The following SWI5 variants were observed in gnomAD, a reference collection of about 807,000 sequenced individuals.
SWI5 encodes the protein DNA repair protein SWI5 homolog.
Under a neutral mutation model 17.0 loss-of-function variants are expected in SWI5, and 12 were observed. The ratio of observed to expected loss-of-function variants is 0.71; its 90% CI spans 0.45 to 1.14. The LOEUF (loss-of-function observed/expected upper bound fraction) is 1.14. Ranked by LOEUF, SWI5 falls within the 50% of genes most tolerant of loss-of-function variation. The pLI, the probability that SWI5 is intolerant of heterozygous loss-of-function variation, is 0.00. For synonymous variants in SWI5, 61 were observed against 64.0 expected (o/e 0.95, Z 0.22); for missense variants, 158 against 162.2 (o/e 0.97, Z 0.14).
At chr9:128,284,769 A>T in intron 3 of SWI5, 138 bp downstream of exon 3, 1 of 994,786 alleles carries the variant, frequency 1.0e-6, no homozygotes, top group South Asian at 1.7e-5. Flanking sequence ...CAGCCTGGCC[A>T]ACATGGCAAA....
At chr9:128,287,341 A>G (rs1255937007) in intron 4 of SWI5, among the ~76,000 whole-genome samples, 1 of 147,784 alleles carries the variant, frequency 6.8e-6, no homozygotes, top group African/African-American at 2.5e-5. Flanking sequence ...GCTACTCAGG[A>G]GGCTGAGGCA....
chr9:128,280,107 C>G (rs1831510510), intron 2 of SWI5, among the ~76,000 whole-genome samples: 1 of 152,138 alleles, frequency 6.6e-6, no homozygotes. Context: ...TATTCTTATT[C>G]TATTTTCTTT....
At chr9:128,275,530 A>G, upstream of SWI5, 1 of 1,290,274 alleles carries the variant, frequency 7.8e-7, no homozygotes, top group South Asian at 2.6e-5. Flanking sequence ...GGGCCCCGGG[A>G]GTCACGGGCC....
At chr9:128,279,872 A>T (rs901573527) in intron 2 of SWI5, among the ~76,000 whole-genome samples, 3 of 152,104 alleles carry the variant, frequency 2.0e-5, no homozygotes, top group African/African-American at 7.2e-5. Context: ...TTGACCAAGG[A>T]GCCCTCAAGC....
chr9:128,275,959 G>C (rs767376765), upstream of SWI5: 90 of 1,594,762 alleles, frequency 5.6e-5, 4 homozygotes, highest in South Asian at 9.8e-4. Flanking sequence ...GGGGAGGGAG[G>C]CGGGGTTGGG....
chr9:128,276,504 C>T (rs1831383308), intron 1 of SWI5, 102 bp downstream of exon 1: 2 of 1,573,864 alleles, frequency 1.3e-6, no homozygotes, highest in Non-Finnish European at 1.7e-6. Flanking sequence ...CCATCCAGTG[C>T]TCCAGACAAC....
chr9:128,288,940 G>A lies in SWI5; in HGVS notation c.*224G>A, dbSNP rs1588510058. On this transcript the variant is annotated 3_prime_UTR_variant, in exon 5 of 5. Coordinates refer to ENST00000418976, the Ensembl canonical transcript of SWI5. ...TTCCTGAAATGTCGCAGTGATACTT[G>A]TGTAGGGGTACATGTACTTTATTTG... 4 of 589,158 alleles carry A rather than the reference G, an allele frequency of 6.8e-6. No homozygotes were observed. In the East Asian group the frequency reaches 1.1e-4, roughly 17 times the overall value. 36.5% of individuals were successfully genotyped at this position (589,158 alleles called of 1,614,324 possible).
chr9:128,286,242 T>G (rs1831637304), intron 4 of SWI5: 2 of 530,238 alleles, frequency 3.8e-6, no homozygotes, highest in Non-Finnish European at 6.8e-6. Flanking sequence ...GAACCTGCTT[T>G]GGAGCCGCAG....
At position 128,285,576 on chromosome 9, in the gene SWI5, G is replaced by C. The variant is rs947993451; in HGVS notation, c.234-363G>C. ...GGAGTTCCCCACACCTCTTGTTCCA[G>C]CCACATGGCAGAGACTGAGCTGCCT... On this transcript the variant is annotated intron_variant, in intron 3 of 4. Coordinates refer to ENST00000418976, the Ensembl canonical transcript of SWI5. This position sits in a 1 kb window ranked among gnomAD's most constrained non-coding sequence, Gnocchi z 4.8. 6.6e-6 allele frequency among the ~76,000 whole-genome samples: 1 copy of C among 151,488 alleles called. No homozygotes were observed. The highest frequency in any genetic ancestry group is 2.4e-5 in the African/African-American group (1 of 41,158).
In SWI5 at chr9:128,286,286, C is replaced by T. The variant is rs371360230; in HGVS notation, c.328+253C>T. ...GAGCGGGGCTTGCCCATCTGCCAGA[C>T]TGAGAACTCAGGGTCTCCCCAGTCT... is the stretch of plus-strand genomic sequence containing the variant. On this transcript the variant is annotated intron_variant, in intron 4 of 4. Transcript: ENST00000418976. 4.5e-4 allele frequency: 209 copies of T among 468,496 alleles called. 5 individuals are homozygous for T. In the South Asian group the frequency reaches 6.1e-3, roughly 14 times the overall value. 29.0% of individuals were successfully genotyped at this position (468,496 alleles called of 1,614,324 possible).
At chr9:128,281,238 A>T (rs1441080787) in intron 2 of SWI5, among the ~76,000 whole-genome samples, 1 of 151,756 alleles carries the variant, frequency 6.6e-6, no homozygotes, top group Non-Finnish European at 1.5e-5. Flanking sequence ...GGGTTTCACT[A>T]TGTTGGCCAG....
chr9:128,284,626 A>T, exon 3 of SWI5: 1 of 1,613,372 alleles, frequency 6.2e-7, no homozygotes, highest in Non-Finnish European at 8.5e-7. Context: ...CCCAGTTCGT[A>T]TCTGAGTAAG....
At chr9:128,276,133 A>AG (rs745501130), upstream of SWI5, 4 of 1,565,130 alleles carry the variant, frequency 2.6e-6, no homozygotes, top group East Asian at 2.3e-5. Flanking sequence ...ATGAAGCGGA[A>AG]GGGGGCGTGG....
chr9:128,278,747 T>G, intron 2 of SWI5: 1 of 437,478 alleles, frequency 2.3e-6, no homozygotes, highest in South Asian at 1.7e-5. Context: ...GGCTTTAAAC[T>G]GAGAAACTGA....
Position 128,288,636 on chromosome 9 carries a change from C to T in SWI5, c.329-16C>T. Reference sequence around the variant, plus strand: ...CTCTCCCCACTGCACATTCAGCCTGCCTTCCTTCCTTTCAGCTGTGATCCG... The same window carrying T: ...CTCTCCCCACTGCACATTCAGCCTGTCTTCCTTCCTTTCAGCTGTGATCCG... On this transcript the variant is annotated splice_polypyrimidine_tract_variant and intron_variant, in intron 4 of 4. Coordinates refer to ENST00000418976, the Ensembl canonical transcript of SWI5. The T allele has an allele frequency of 6.2e-7, 1 of 1,614,004 alleles. No homozygotes were observed. The highest frequency in any genetic ancestry group is 8.5e-7 in the Non-Finnish European group (1 of 1,179,940).
exon 4 of SWI5, chr9:128,286,002 G>C (rs1399748979): frequency 6.2e-7 from 1 of 1,613,982 alleles, no homozygotes; most frequent in Admixed American, 1.7e-5. Context: ...ATGACATCAA[G>C]GATGTGGGGC....
intron 2 of SWI5, among the ~76,000 whole-genome samples, 164 bp downstream of exon 2, chr9:128,276,919 T>C (rs1326201645): frequency 6.6e-6 from 1 of 151,756 alleles, no homozygotes; most frequent in Non-Finnish European, 1.5e-5. Flanking sequence ...TCCCTCCCCT[T>C]CCTTTCCTCA....
chr9:128,280,528 AAAC>A (rs1278689332), intron 2 of SWI5, among the ~76,000 whole-genome samples: 2 of 147,526 alleles, frequency 1.4e-5, no homozygotes, highest in Non-Finnish European at 3.0e-5. Flanking sequence ...AAAAAAAAAA[AAAC>A]AAGAGTCTCG....
At chr9:128,276,805 G>A (rs1564372035) in intron 2 of SWI5, 50 bp downstream of exon 2, 1 of 1,542,690 alleles carries the variant, frequency 6.5e-7, no homozygotes, top group Non-Finnish European at 8.8e-7. Flanking sequence ...ACCTTCCCTT[G>A]TGCGCTCCCG....
Sources: allele counts gnomAD v4.1 joint callset (sites outside exome capture counted in the v4.1 genomes callset), GRCh38; gene constraint gnomAD v4.1.1; non-coding constraint Gnocchi (gnomAD v3.1); transcripts MANE v1.5; gene names NCBI Gene and HGNC (gene_info 2026-07-23, HGNC 2026-07-21).